Variants in DZIP1 observed in about 807,000 individuals in gnomAD.
DZIP1 encodes the protein DAZ interacting zinc finger protein 1, also known as cilium assembly protein DZIP1.
Under a neutral mutation model 107.6 loss-of-function variants are expected in DZIP1, and 97 were observed. That is an observed-to-expected ratio of 0.90 (90% CI 0.77 to 1.07). The LOEUF is 1.07. DZIP1 is among the 50% of genes least tolerant of loss of function. The pLI, the probability that DZIP1 is intolerant of heterozygous loss-of-function variation, is 0.00. For missense variants in DZIP1, 1,035 were observed against 1,063.6 expected (o/e 0.97, Z 0.37); for synonymous variants, 390 against 386.4 (o/e 1.01, Z -0.11).
intron 14 of DZIP1, 114 bp from the exon 15 acceptor site, chr13:95,599,538 A>G: frequency 5.5e-6 from 5 of 904,294 alleles, no homozygotes; most frequent in Non-Finnish European, 8.7e-6. Flanking sequence ...TCATGCCTGA[A>G]TAGCAAGAAT....
intron 22 of DZIP1, among the ~76,000 whole-genome samples, chr13:95,584,125 C>T (rs953308175): frequency 4.6e-5 from 7 of 151,790 alleles, no homozygotes; most frequent in Non-Finnish European, 4.4e-5. Flanking sequence ...TACAGGCGCG[C>T]ACCACCATGC....
At chr13:95,614,514 A>G (rs1164705157) in intron 10 of DZIP1, among the ~76,000 whole-genome samples, 1 of 152,198 alleles carries the variant, frequency 6.6e-6, no homozygotes, top group Admixed American at 6.5e-5. Flanking sequence ...GGGAATATCT[A>G]AGGGATAACA....
chr13:95,590,389 T>A lies in DZIP1; in HGVS notation c.1733A>T (p.Glu578Val). Residue 578 changes from glutamate (E) to valine (V), a missense_variant, in exon 17 of 23, where the codon GAA becomes GTA. Transcript: ENST00000376829. Reference sequence around the variant, plus strand: ...TCTTTCTTGCTTATGTCTTTCTGATTCCACACTTTTTAGTACTCTATGCAA... The same window carrying A: ...TCTTTCTTGCTTATGTCTTTCTGATACCACACTTTTTAGTACTCTATGCAA... ...DQLHRVLKSV[E>V]SERHKQEREI... 1 of 1,613,796 alleles carries A rather than the reference T, an allele frequency of 6.2e-7. No individual in the cohort carries two copies. Among genetic ancestry groups the A allele is most frequent in the African/African-American group, 1.3e-5 (1 of 75,038 alleles).
At chr13:95,624,664 G>T in intron 8 of DZIP1, 104 bp downstream of exon 8, 2 of 1,000,256 alleles carry the variant, frequency 2.0e-6, no homozygotes, top group Admixed American at 2.4e-5. Context: ...ATGTCTGCAC[G>T]AGGGTAACAT....
chr13:95,613,846 A>T (rs1874692760), intron 10 of DZIP1, among the ~76,000 whole-genome samples: 1 of 152,220 alleles, frequency 6.6e-6, no homozygotes. Context: ...CCAGACTTAA[A>T]CTTTCACATG....
intron 5 of DZIP1, among the ~76,000 whole-genome samples, chr13:95,638,756 T>A (rs1878135606): frequency 6.6e-6 from 1 of 151,502 alleles, no homozygotes; most frequent in Non-Finnish European, 1.5e-5. Flanking sequence ...GCATCTTTAA[T>A]TTTTTTTTGT....
Position 95,641,982 on chromosome 13 carries a change from C to G in DZIP1, c.36+12G>C, listed in dbSNP as rs761084915. 1.6e-5 allele frequency: 25 copies of G among 1,577,996 alleles called. No individual in the cohort carries two copies. In the East Asian group the frequency reaches 6.2e-4, roughly 39 times the overall value. ...ATCCCCGTCGGGGGCGCCCCGGCCT[C>G]CCGCCTCTTACCATGCTTGAAAACC... On this transcript the variant is annotated intron_variant, in intron 4 of 22. Transcript: ENST00000376829. The surrounding 1 kb of genome is among the most constrained non-coding windows in gnomAD (Gnocchi z 4.3).
chr13:95,589,147 T>A lies in DZIP1; in HGVS notation c.2027+7A>T, dbSNP rs757722306. The A allele has an allele frequency of 1.2e-6, 2 of 1,604,844 alleles. No individual in the cohort carries two copies. The highest frequency in any genetic ancestry group is 2.7e-5 in the African/African-American group (2 of 74,386). On this transcript the variant is annotated splice_region_variant and intron_variant, in intron 19 of 22. Transcript: ENST00000376829. ...TAAATGACCCTCCCATCCCTGTCAATACTCACGTAATAGTTGAAGACTTTC... is the reference window on the plus strand; with the variant it reads ...TAAATGACCCTCCCATCCCTGTCAAAACTCACGTAATAGTTGAAGACTTTC...
Position 95,589,828 on chromosome 13 carries a change from A to C in DZIP1, c.1948T>G (p.Ser650Ala). 1 of 1,614,064 alleles carries C rather than the reference A, an allele frequency of 6.2e-7. No homozygotes were observed. The highest frequency in any genetic ancestry group is 1.1e-5 in the South Asian group (1 of 91,052). Residue 650 changes from serine (S) to alanine (A), a missense_variant, in exon 18 of 23, where the codon TCT (serine) becomes GCT (alanine). By Grantham distance (99) the Ser-to-Ala change is moderately conservative. Coordinates refer to ENST00000376829, the MANE Select transcript of DZIP1 (RefSeq NM_198968.4). ...NRQLIRQKAV[S>A]TDRTSVPKIK... ...TTTGGAACAGATGTCCTATCAGTAG[A>C]AACAGCTTTTTGTCTAATCAGTTGT...
intron 10 of DZIP1, among the ~76,000 whole-genome samples, chr13:95,616,459 T>C (rs1405784567): frequency 1.3e-5 from 2 of 152,194 alleles, no homozygotes; most frequent in African/African-American, 4.8e-5. Flanking sequence ...CATGAGTGGA[T>C]GCTGGGCAGA....
At chr13:95,585,002 G>A in intron 21 of DZIP1, 92 bp from the exon 22 acceptor site, 3 of 949,316 alleles carry the variant, frequency 3.2e-6, no homozygotes, top group Non-Finnish European at 3.1e-6. Context: ...ATCTAACACT[G>A]AACCATAAGG....
At chr13:95,610,282 A>G (rs976566109) in intron 12 of DZIP1, among the ~76,000 whole-genome samples, 1 of 151,432 alleles carries the variant, frequency 6.6e-6, no homozygotes, top group African/African-American at 2.4e-5. Flanking sequence ...GCAAGCCTTT[A>G]TAGCACTTTA....
chr13:95,606,761 T>A (rs1289868693), intron 13 of DZIP1, among the ~76,000 whole-genome samples: 4 of 152,228 alleles, frequency 2.6e-5, no homozygotes, highest in African/African-American at 9.6e-5. Flanking sequence ...GAAGACATTA[T>A]GTGAAGGTAT....
chr13:95,636,102 A>G lies in DZIP1; in HGVS notation c.598-2781T>C, dbSNP rs371142940. Among the ~76,000 whole-genome samples, 6 of 152,154 alleles carry G rather than the reference A, an allele frequency of 3.9e-5. No homozygotes were observed. In the East Asian group the frequency reaches 5.8e-4, roughly 15 times the overall value. On this transcript the variant is annotated intron_variant, in intron 5 of 22. Coordinates refer to ENST00000376829, the MANE Select transcript of DZIP1 (RefSeq NM_198968.4). ...AATCTAAAGATGTTCTTCACAATCT[A>G]TTCACATCACAGAACATAAGAGTAG...
At chr13:95,594,137 C>A (rs2138872022) in intron 15 of DZIP1, 51 bp from the exon 16 acceptor site, 2 of 1,448,130 alleles carry the variant, frequency 1.4e-6, no homozygotes, top group South Asian at 1.3e-5. Flanking sequence ...GCAAATACAT[C>A]AAAAATCTCT....
In DZIP1 at chr13:95,626,003, G is replaced by A. The variant is rs553060197; in HGVS notation, c.811-1074C>T. Among the ~76,000 whole-genome samples, 7 of 151,904 alleles carry A rather than the reference G, an allele frequency of 4.6e-5. No homozygotes were observed. In the East Asian group the frequency reaches 7.7e-4, roughly 17 times the overall value. ...AAAAATTAGCCAGGTATGGTGGTAC[G>A]TGCCTGTAATCCCAGCTACTTAGGA... On this transcript the variant is annotated intron_variant, in intron 7 of 22. Transcript: ENST00000376829.
At position 95,580,608 on chromosome 13, in the gene DZIP1, A is replaced by C. The variant is rs1215386288; in HGVS notation, c.*1626T>G. The C allele has an allele frequency of 1.3e-5, 2 of 152,196 alleles. No individual in the cohort carries two copies. The highest frequency in any genetic ancestry group is 2.9e-5 in the Non-Finnish European group (2 of 68,038). 9.4% of individuals were successfully genotyped at this position (152,196 alleles called of 1,614,324 possible). Reference sequence around the variant, plus strand: ...TCACACCTTTAGGATGAGGATTATAACAATAACTACATCGCAAAGTTGTTG... The same window carrying C: ...TCACACCTTTAGGATGAGGATTATACCAATAACTACATCGCAAAGTTGTTG... On this transcript the variant is annotated 3_prime_UTR_variant, in exon 23 of 23. Transcript: ENST00000376829.
At position 95,580,318 on chromosome 13, in the gene DZIP1, C is replaced by T. The variant is rs564616626; in HGVS notation, c.*1916G>A. On this transcript the variant is annotated 3_prime_UTR_variant, in exon 23 of 23. Transcript: ENST00000376829. ...TGCCACTGCGCTCAAGCCTGGGCAA[C>T]ATAGTGAGACTCTGTCTCAAAAAAA... is the stretch of plus-strand genomic sequence containing the variant. 16 of 129,032 alleles carry T rather than the reference C, an allele frequency of 1.2e-4. No individual in the cohort carries two copies. Among genetic ancestry groups the T allele is most frequent in the African/African-American group, 4.8e-4 (16 of 33,552 alleles). 8.0% of individuals were successfully genotyped at this position (129,032 alleles called of 1,614,324 possible).
intron 13 of DZIP1, among the ~76,000 whole-genome samples, chr13:95,609,054 A>G (rs2044887802): frequency 6.6e-6 from 1 of 152,264 alleles, no homozygotes; most frequent in African/African-American, 2.4e-5. Context: ...GCTGACCACA[A>G]GTGGGGACAG....
Sources: gnomAD v4.1 joint callset for allele counts (sites outside exome capture counted in the v4.1 genomes callset) on GRCh38, gnomAD v4.1.1 for gene constraint, Gnocchi (gnomAD v3.1) non-coding constraint, MANE v1.5 for transcripts, NCBI Gene and HGNC (gene_info 2026-07-23, HGNC 2026-07-21) for gene names.